Variants in LIMA1 observed in about 807,000 individuals in gnomAD.
LIMA1 encodes LIM domain and actin binding 1, also known as LIM domain and actin-binding protein 1.
A neutral mutation model predicts 62.6 loss-of-function variants in LIMA1; 52 were observed. That is an observed-to-expected ratio of 0.83 (90% CI 0.67 to 1.05). The LOEUF is 1.05. Ranked by LOEUF, LIMA1 falls within the 50% of genes least tolerant of loss-of-function variation. The pLI is 0.00. For missense variants in LIMA1, 780 were observed against 902.2 expected (o/e 0.86, Z 1.74); for synonymous variants, 302 against 317.8 (o/e 0.95, Z 0.53).
rs148354185 is a variant in LIMA1, at chr12:50,222,072, C to T, written c.579G>A (p.Pro193=). The T allele has an allele frequency of 1.2e-4, 200 of 1,613,956 alleles. No homozygotes were observed. The highest frequency in any genetic ancestry group is 4.4e-5 in the South Asian group (4 of 91,090). Residue 193 remains proline, a synonymous_variant, in exon 4 of 11, where the codon CCG becomes CCA. Coordinates refer to ENST00000341247, the MANE Select transcript of LIMA1 (RefSeq NM_016357.5). ...CAAACATCATCTTAAGCCTGTTCAG[C>T]GGAACATTATATTTCTCTATTTTGC... ...ASGKIEKYNV[P]LNRLKMMFEK...
chr12:50,229,284 AATCCTCCCACCTCGGCCTCCTGCG>A (rs1436257969), intron 3 of LIMA1, among the ~76,000 whole-genome samples: 4 of 152,130 alleles, frequency 2.6e-5, no homozygotes, highest in Admixed American at 6.5e-5. Context: ...GGCCTCAAGC[AATCCTCCCACCTCGGCCTCCTGCG>A]ATCCTCCCGC....
chr12:50,265,198 C>CT (rs1565863501), intron 1 of LIMA1, among the ~76,000 whole-genome samples: 1 of 151,638 alleles, frequency 6.6e-6, no homozygotes, highest in Non-Finnish European at 1.5e-5. Context: ...AGCTGTTTGA[C>CT]TTTTTAGCTT....
intron 1 of LIMA1, among the ~76,000 whole-genome samples, chr12:50,279,287 G>A (rs1386543141): frequency 6.6e-6 from 1 of 150,624 alleles, no homozygotes; most frequent in Non-Finnish European, 1.5e-5. Context: ...TTACAGGCAT[G>A]AGCCATCACA....
chr12:50,187,438 CA>C (rs989103611), intron 9 of LIMA1: 2 of 152,172 alleles, frequency 1.3e-5, no homozygotes, highest in African/African-American at 4.8e-5. Context: ...CACCACACAG[CA>C]AATGGTTGGG....
At chr12:50,194,591 C>CTCA (rs891781844) in intron 8 of LIMA1, among the ~76,000 whole-genome samples, 23 of 152,086 alleles carry the variant, frequency 1.5e-4, no homozygotes, top group African/African-American at 5.5e-4. Flanking sequence ...AGCCACTGCG[C>CTCA]CTGGCCCAGC....
In LIMA1 at chr12:50,195,891, CAAAAAAAAAA is replaced by C; in HGVS notation, c.973-14_973-5del. On this transcript the variant is annotated splice_polypyrimidine_tract_variant and splice_region_variant and intron_variant, in intron 7 of 10. Coordinates refer to ENST00000341247, the MANE Select transcript of LIMA1 (RefSeq NM_016357.5). ...GGCTATTCTCATTTGCAGAAATCTA[CAAAAAAAAAA>C]AAAAAAAAAAAGTTAGAGGGGGATT... 9.1e-7 allele frequency: 1 copy of C among 1,093,446 alleles called. No individual in the cohort carries two copies. The highest frequency in any genetic ancestry group is 1.1e-6 in the Non-Finnish European group (1 of 873,298). The allele number at this position is 1,093,446 out of a possible 1,614,324, so 67.7% of individuals were successfully genotyped here.
chr12:50,222,280 A>G lies in LIMA1; in HGVS notation c.371T>C (p.Ile124Thr), dbSNP rs1277432724. The G allele has an allele frequency of 6.2e-7, 1 of 1,614,042 alleles. No homozygotes were observed. Among genetic ancestry groups the G allele is most frequent in the Admixed American group, 1.7e-5 (1 of 59,998 alleles). ...SGAKADQEEQIHPRSRLRSPP... is the reference protein window; with the variant it reads ...SGAKADQEEQTHPRSRLRSPP... Reference sequence around the variant, plus strand: ...TGACCTGAGTCTAGATCTGGGGTGGATTTGTTCTTCTTGGTCAGCTTTGGC... The same window carrying G: ...TGACCTGAGTCTAGATCTGGGGTGGGTTTGTTCTTCTTGGTCAGCTTTGGC... Residue 124 changes from isoleucine (I) to threonine (T), a missense_variant, in exon 4 of 11, where the codon ATC (isoleucine) becomes ACC (threonine). Ile to Thr is a moderately conservative substitution (Grantham distance 89). Coordinates refer to ENST00000341247, the MANE Select transcript of LIMA1 (RefSeq NM_016357.5).
intron 2 of LIMA1, among the ~76,000 whole-genome samples, chr12:50,241,933 ATTTTTTTTTTTTTTTTTTT>A (rs577308413): frequency 9.1e-4 from 33 of 36,436 alleles, no homozygotes; most frequent in Admixed American, 3.6e-3. Flanking sequence ...TCCTTCCCAG[ATTTTTTTTTTTTTTTTTTT>A]TTTTTTTTTT....
intron 9 of LIMA1, among the ~76,000 whole-genome samples, chr12:50,191,969 C>A (rs1370120938): frequency 6.7e-6 from 1 of 150,052 alleles, no homozygotes; most frequent in East Asian, 2.0e-4. Flanking sequence ...CTGTCTCTAC[C>A]AAAAAATACA....
At chr12:50,179,849 T>A (rs944142666) in intron 10 of LIMA1, among the ~76,000 whole-genome samples, 5 of 151,430 alleles carry the variant, frequency 3.3e-5, no homozygotes, top group African/African-American at 1.2e-4. Context: ...CAAGTGATCC[T>A]CCAGCCTCAG....
intron 2 of LIMA1, among the ~76,000 whole-genome samples, chr12:50,239,503 C>T (rs1018547845): frequency 1.3e-5 from 2 of 152,004 alleles, no homozygotes; most frequent in African/African-American, 2.4e-5. Flanking sequence ...CCACCAGGCA[C>T]GTTGGTGCAC....
intron 1 of LIMA1, among the ~76,000 whole-genome samples, chr12:50,250,889 A>G (rs1941921581): frequency 6.6e-6 from 1 of 152,236 alleles, no homozygotes; most frequent in Non-Finnish European, 1.5e-5. Flanking sequence ...TGAGAAATAA[A>G]TAAGATAAAG....
At chr12:50,235,592 T>A (rs1324203393) in intron 2 of LIMA1, among the ~76,000 whole-genome samples, 1 of 152,094 alleles carries the variant, frequency 6.6e-6, no homozygotes, top group Non-Finnish European at 1.5e-5. Flanking sequence ...CTAATTTTAA[T>A]AATCAGATAT....
At chr12:50,218,749 T>C (rs1941391900) in intron 4 of LIMA1, among the ~76,000 whole-genome samples, 1 of 151,846 alleles carries the variant, frequency 6.6e-6, no homozygotes, top group Non-Finnish European at 1.5e-5. Context: ...CCATAAAAAA[T>C]TTTAAAAATT....
At chr12:50,248,245 G>A (rs188371186) in intron 2 of LIMA1, among the ~76,000 whole-genome samples, 25 of 152,224 alleles carry the variant, frequency 1.6e-4, no homozygotes, top group South Asian at 6.2e-4. Context: ...ATCAAAACTC[G>A]CCTCAACACT....
chr12:50,274,581 C>CAA (rs57694738), intron 1 of LIMA1, among the ~76,000 whole-genome samples: 80 of 136,780 alleles, frequency 5.8e-4, no homozygotes, highest in African/African-American at 2.0e-3. Context: ...GGCTCCATCT[C>CAA]AAAAAAAAAA....
At position 50,177,311 on chromosome 12, in the gene LIMA1, T is replaced by C; in HGVS notation, c.2033A>G (p.Asn678Ser). 6.2e-7 allele frequency: 1 copy of C among 1,614,254 alleles called. No homozygotes were observed. Among genetic ancestry groups the C allele is most frequent in the Admixed American group, 1.7e-5 (1 of 60,026 alleles). Residue 678 changes from asparagine to serine, a missense_variant, in exon 11 of 11, where the codon AAT (asparagine) becomes AGT (serine). Coordinates refer to ENST00000341247, the MANE Select transcript of LIMA1 (RefSeq NM_016357.5). ...GGAGTCTGCACCATTTTCTACAAGA[T>C]TCTCATTCTCCATCTCCAAACTATG... ...EGHSLEMENE[N>S]LVENGADSDE...
rs1225364291 is a variant in LIMA1 at position 50,272,360 on chromosome 12, C to T, written c.-24+11060G>A. 3.3e-5 allele frequency among the ~76,000 whole-genome samples: 5 copies of T among 151,688 alleles called. No individual in the cohort carries two copies. In the South Asian group the frequency reaches 6.2e-4, roughly 19 times the overall value. ...ATCCCAGCACTTTGGGAGACCGAGGCGGGCGGATCACCTGAGGTCGGGAGT... is the reference window on the plus strand; with the variant it reads ...ATCCCAGCACTTTGGGAGACCGAGGTGGGCGGATCACCTGAGGTCGGGAGT... On this transcript the variant is annotated intron_variant, in intron 1 of 10. Coordinates refer to ENST00000341247, the MANE Select transcript of LIMA1 (RefSeq NM_016357.5).
intron 4 of LIMA1, 90 bp downstream of exon 4, chr12:50,221,931 C>T (rs1941448365): frequency 9.7e-6 from 10 of 1,035,888 alleles, no homozygotes; most frequent in Non-Finnish European, 1.3e-5. Context: ...ACCACATATT[C>T]GCCTCTACTC....
Sources: gnomAD v4.1 joint callset for allele counts (sites outside exome capture counted in the v4.1 genomes callset) on GRCh38, gnomAD v4.1.1 for gene constraint, MANE v1.5 for transcripts, NCBI Gene and HGNC (gene_info 2026-07-23, HGNC 2026-07-21) for gene names.